The following ATP13A5 variants were observed in gnomAD, a reference collection of about 807,000 sequenced individuals.
ATP13A5 encodes probable cation-transporting ATPase 13A5.
ATP13A5 carries 149 observed loss-of-function variants against 150.2 expected under a neutral mutation model. The ratio of observed to expected loss-of-function variants is 0.99; its 90% CI spans 0.87 to 1.14. The LOEUF (loss-of-function observed/expected upper bound fraction) is 1.14. Among genes scored for constraint, ATP13A5 ranks in the 50% most tolerant of loss-of-function variants. The pLI is 0.00. For synonymous variants in ATP13A5, 497 were observed against 522.2 expected, an observed-to-expected ratio of 0.95 and a Z score of 0.66; for missense variants, 1,383 against 1,449.3, an observed-to-expected ratio of 0.95 and a Z score of 0.74.
intron 12 of ATP13A5, 37 bp downstream of exon 12, chr3:193,331,086 A>G: frequency 2.5e-6 from 4 of 1,588,642 alleles, no homozygotes; most frequent in South Asian, 1.1e-5. Context: ...CATGCCTTGA[A>G]ATCATTAACA....
chr3:193,360,075 AG>A (rs1712948015), intron 5 of ATP13A5, among the ~76,000 whole-genome samples: 1 of 152,220 alleles, frequency 6.6e-6, no homozygotes, highest in Admixed American at 6.5e-5. Context: ...GTGATATAAA[AG>A]AATTACCTTG....
intron 10 of ATP13A5, among the ~76,000 whole-genome samples, chr3:193,334,223 A>T (rs1711755953): frequency 6.6e-6 from 1 of 152,210 alleles, no homozygotes; most frequent in Non-Finnish European, 1.5e-5. Context: ...TCACAGTGTA[A>T]AGTGTATTTT....
intron 17 of ATP13A5, among the ~76,000 whole-genome samples, chr3:193,318,488 G>A (rs907905472): frequency 2.6e-5 from 4 of 152,148 alleles, no homozygotes; most frequent in African/African-American, 9.7e-5. Flanking sequence ...TTTCTCATAA[G>A]TAATTCAATT....
At position 193,341,599 on chromosome 3, in the gene ATP13A5, G is replaced by C. The variant is rs111331816; in HGVS notation, c.943+2328C>G. Among the ~76,000 whole-genome samples the C allele has an allele frequency of 1.1e-4, 17 of 152,256 alleles. No individual in the cohort carries two copies. In the East Asian group the frequency reaches 3.1e-3, roughly 28 times the overall value. ...CCTCAGACAGCTCAGAGTGGAGTGG[G>C]AGCAGCAGGAAGAAGAGCTGCCCTC... On this transcript the variant is annotated intron_variant, in intron 9 of 29. Transcript: ENST00000342358.
intron 7 of ATP13A5, among the ~76,000 whole-genome samples, chr3:193,347,524 C>CT (rs1553820269): frequency 2.7e-4 from 39 of 145,440 alleles, no homozygotes; most frequent in African/African-American, 4.7e-4. Context: ...CCTTAGATTT[C>CT]TTTTTTTTTT....
chr3:193,335,944 A>G (rs1711841220), intron 9 of ATP13A5, among the ~76,000 whole-genome samples: 1 of 152,198 alleles, frequency 6.6e-6, no homozygotes, highest in South Asian at 2.1e-4. Flanking sequence ...CAGAGTTCAA[A>G]AAGGATACAT....
At chr3:193,353,399 CT>C (rs1712644671) in intron 6 of ATP13A5, among the ~76,000 whole-genome samples, 1 of 151,522 alleles carries the variant, frequency 6.6e-6, no homozygotes, top group South Asian at 2.1e-4. Flanking sequence ...GGAGAAGTTA[CT>C]CTCAAGAAAA....
At chr3:193,365,019 A>G (rs1713189719) in intron 1 of ATP13A5, among the ~76,000 whole-genome samples, 1 of 152,188 alleles carries the variant, frequency 6.6e-6, no homozygotes, top group East Asian at 1.9e-4. Flanking sequence ...TTGAAGGCCA[A>G]TTCCTAGTTC....
chr3:193,339,443 G>GT (rs1421085473), intron 9 of ATP13A5, among the ~76,000 whole-genome samples: 4 of 152,178 alleles, frequency 2.6e-5, no homozygotes, highest in East Asian at 1.9e-4. Flanking sequence ...AAAACACATA[G>GT]TTTTTTCAAA....
At chr3:193,356,338 C>T (rs750032385) in intron 5 of ATP13A5, among the ~76,000 whole-genome samples, 16 of 152,016 alleles carry the variant, frequency 1.1e-4, no homozygotes, top group Non-Finnish European at 1.8e-4. Context: ...TCGATACATT[C>T]CGAATGCCTA....
chr3:193,305,271 G>A (rs1281986080), intron 23 of ATP13A5, among the ~76,000 whole-genome samples: 1 of 152,164 alleles, frequency 6.6e-6, no homozygotes, highest in East Asian at 1.9e-4. Context: ...ATACCAAATA[G>A]AGGAGAGAAA....
At chr3:193,310,555 C>G in intron 21 of ATP13A5, 83 bp downstream of exon 21, 1 of 1,083,200 alleles carries the variant, frequency 9.2e-7, no homozygotes, top group Non-Finnish European at 1.3e-6. Context: ...TTAATAATAG[C>G]CATTCTGACT....
chr3:193,319,941 A>T (rs1719200503), intron 16 of ATP13A5, among the ~76,000 whole-genome samples: 1 of 152,230 alleles, frequency 6.6e-6, no homozygotes, highest in Non-Finnish European at 1.5e-5. Flanking sequence ...TGATTGGCAA[A>T]GCCTAAAGTA....
At chr3:193,289,554 T>C (rs1176608129) in intron 26 of ATP13A5, among the ~76,000 whole-genome samples, 1 of 152,234 alleles carries the variant, frequency 6.6e-6, no homozygotes, top group Non-Finnish European at 1.5e-5. Flanking sequence ...ACTGAGGCCA[T>C]GTAGTGCACA....
In ATP13A5 at chr3:193,362,642, G is replaced by T. The variant is rs547418284; in HGVS notation, c.385-5C>A. 1.2e-5 allele frequency: 20 copies of T among 1,613,938 alleles called. No homozygotes were observed. Among genetic ancestry groups the T allele is most frequent in the Non-Finnish European group, 1.6e-5 (19 of 1,179,810 alleles). The stretch of plus-strand genomic sequence containing the variant: ...CTGCACTTCCATGCACCGCAGCTAC[G>T]ATTGCAAATGTGATAGAGCAGGTGT... On this transcript the variant is annotated splice_polypyrimidine_tract_variant and splice_region_variant and intron_variant, in intron 3 of 29. Transcript: ENST00000342358.
intron 25 of ATP13A5, among the ~76,000 whole-genome samples, chr3:193,293,165 C>T (rs1577329492): frequency 6.6e-6 from 1 of 152,174 alleles, no homozygotes; most frequent in South Asian, 2.1e-4. Flanking sequence ...GTTCTCCACT[C>T]TACAGCATAT....
At chr3:193,348,555 C>T (rs375374649) in intron 7 of ATP13A5, among the ~76,000 whole-genome samples, 9 of 152,200 alleles carry the variant, frequency 5.9e-5, no homozygotes, top group African/African-American at 1.7e-4. Flanking sequence ...TAGAAAGGGA[C>T]GGAAGCGGGA....
intron 7 of ATP13A5, among the ~76,000 whole-genome samples, chr3:193,347,669 G>C (rs1332158670): frequency 1.3e-5 from 2 of 152,112 alleles, no homozygotes; most frequent in Non-Finnish European, 2.9e-5. Flanking sequence ...TGTAGAGCTG[G>C]ATTGGTTTAT....
chr3:193,319,423 G>T (rs990163249), intron 16 of ATP13A5, among the ~76,000 whole-genome samples: 2 of 152,192 alleles, frequency 1.3e-5, no homozygotes, highest in African/African-American at 4.8e-5. Context: ...AGGTAATTAG[G>T]TTATGAGGGT....
Sources: allele counts gnomAD v4.1 joint callset (sites outside exome capture counted in the v4.1 genomes callset), GRCh38; gene constraint gnomAD v4.1.1; transcripts MANE v1.5; gene names NCBI Gene and HGNC (gene_info 2026-07-23, HGNC 2026-07-21).